METAP1: variants seen among roughly 807,000 people sequenced by gnomAD.
METAP1 encodes methionine aminopeptidase 1.
METAP1 carries 28 observed loss-of-function variants against 53.8 expected under a neutral mutation model. The observed-to-expected ratio is 0.52, with a 90% CI of 0.39 to 0.71. The LOEUF (loss-of-function observed/expected upper bound fraction) is 0.71, where lower values mean the gene tolerates loss of function less well. METAP1 is among the 30% of genes least tolerant of loss of function. The pLI, the probability that METAP1 is intolerant of heterozygous loss-of-function variation, is 0.00. For synonymous variants in METAP1, 181 were observed against 165.7 expected (o/e 1.09, Z -0.71); for missense variants, 389 against 479.8 (o/e 0.81, Z 1.77).
chr4:99,001,687 C>T (rs1268041325), intron 1 of METAP1, among the ~76,000 whole-genome samples: 1 of 151,940 alleles, frequency 6.6e-6, no homozygotes, highest in Admixed American at 6.6e-5. Context: ...AATTTTTTAC[C>T]TTCTGTTTAC....
chr4:99,040,999 GT>G, intron 5 of METAP1, 43 bp from the exon 6 acceptor site: 1 of 1,406,668 alleles, frequency 7.1e-7, no homozygotes. Flanking sequence ...ATAGATTTCT[GT>G]TTCTGTGTCT....
rs1441668684 is a variant in METAP1 at position 99,062,014 on chromosome 4, A to C, written c.*697A>C. On this transcript the variant is annotated 3_prime_UTR_variant, in exon 11 of 11. Transcript: ENST00000296411. ...ACTTTGGAAGGTTATCAGGCTTTTAAAAATCTAGTTTATGGCAAAAATAGC... is the reference window on the plus strand; with the variant it reads ...ACTTTGGAAGGTTATCAGGCTTTTACAAATCTAGTTTATGGCAAAAATAGC... 3 of 152,232 alleles carry C rather than the reference A, an allele frequency of 2.0e-5. No homozygotes were observed. The highest frequency in any genetic ancestry group is 7.2e-5 in the African/African-American group (3 of 41,460). 9.4% of individuals were successfully genotyped at this position (152,232 alleles called of 1,614,324 possible). A position where few individuals can be genotyped will look rare whatever the true frequency, so the allele number is the denominator to read the frequency against.
intron 1 of METAP1, among the ~76,000 whole-genome samples, chr4:99,025,015 C>T (rs185877108): frequency 1.3e-5 from 2 of 152,278 alleles, no homozygotes; most frequent in Admixed American, 6.5e-5. Flanking sequence ...AGAGTTTGTG[C>T]GCTCCTATGA....
chr4:99,039,717 C>T (rs572238904), intron 5 of METAP1, among the ~76,000 whole-genome samples: 7 of 152,226 alleles, frequency 4.6e-5, no homozygotes, highest in African/African-American at 1.4e-4. Flanking sequence ...CCTCAGCCTC[C>T]TGAGTAGCTG....
chr4:99,026,608 A>G, intron 1 of METAP1: 1 of 985,400 alleles, frequency 1.0e-6, no homozygotes, highest in Non-Finnish European at 1.2e-6. Flanking sequence ...ATGAGGAGGG[A>G]AAGATTGCCC....
At chr4:99,014,790 T>C (rs753319976) in intron 1 of METAP1, among the ~76,000 whole-genome samples, 1 of 152,214 alleles carries the variant, frequency 6.6e-6, no homozygotes, top group Non-Finnish European at 1.5e-5. Flanking sequence ...TACCACCATA[T>C]GTCCCACTCA....
At chr4:99,022,541 C>T (rs1006997312) in intron 1 of METAP1, 2 of 636,558 alleles carry the variant, frequency 3.1e-6, no homozygotes, top group Non-Finnish European at 5.8e-6. Flanking sequence ...CCATCAACAG[C>T]AAGAAAGCAT....
intron 1 of METAP1, among the ~76,000 whole-genome samples, chr4:99,009,247 G>A (rs1358129333): frequency 6.6e-6 from 1 of 152,164 alleles, no homozygotes; most frequent in Non-Finnish European, 1.5e-5. Flanking sequence ...TGTACCGCAT[G>A]TTGTGTTTAT....
chr4:99,007,984 A>G (rs2110282650), intron 1 of METAP1, among the ~76,000 whole-genome samples: 1 of 152,320 alleles, frequency 6.6e-6, no homozygotes, highest in Non-Finnish European at 1.5e-5. Context: ...TTGCCTTTAG[A>G]AGAAGGGGTA....
At chr4:99,034,382 A>C in intron 3 of METAP1, 40 bp downstream of exon 3, 1 of 1,182,058 alleles carries the variant, frequency 8.5e-7, no homozygotes, top group Non-Finnish European at 1.2e-6. Context: ...TCCAATTTTG[A>C]ATTTTCCAAA....
At chr4:99,023,713 C>T (rs1189271068) in intron 1 of METAP1, 18 of 985,154 alleles carry the variant, frequency 1.8e-5, no homozygotes, top group Non-Finnish European at 1.9e-5. Flanking sequence ...GTTGTGAAGC[C>T]GTTGTAGTTT....
intron 9 of METAP1, among the ~76,000 whole-genome samples, chr4:99,051,049 A>G (rs1245656793): frequency 2.0e-5 from 3 of 152,216 alleles, no homozygotes; most frequent in Non-Finnish European, 1.5e-5. Flanking sequence ...ATACCCTGTA[A>G]TCATCTGAAT....
At chr4:99,005,515 A>G (rs1723133190) in intron 1 of METAP1, among the ~76,000 whole-genome samples, 1 of 152,218 alleles carries the variant, frequency 6.6e-6, no homozygotes, top group Non-Finnish European at 1.5e-5. Context: ...AAAAGGGAAT[A>G]CTTAAACACT....
intron 8 of METAP1, among the ~76,000 whole-genome samples, chr4:99,046,967 A>AAAGAG (rs1560730321): frequency 2.0e-5 from 3 of 151,654 alleles, no homozygotes; most frequent in Non-Finnish European, 2.9e-5. Flanking sequence ...AAGAAAAAGA[A>AAAGAG]AAAACCAGAT....
chr4:99,040,496 G>A (rs1018903508), intron 5 of METAP1, among the ~76,000 whole-genome samples: 5 of 150,636 alleles, frequency 3.3e-5, no homozygotes, highest in African/African-American at 9.8e-5. Context: ...TTGAGACAGG[G>A]TCTTGCTATC....
chr4:99,004,446 TACAC>T lies in METAP1; in HGVS notation c.114+8613_114+8616del, dbSNP rs1189663861. ...TATTAGCCAAGGAACTGTGGACAGATACACACACACACACACACACACACACACA... is the reference window on the plus strand; with the variant it reads ...TATTAGCCAAGGAACTGTGGACAGATACACACACACACACACACACACACA... On this transcript the variant is annotated intron_variant, in intron 1 of 10. Coordinates refer to ENST00000296411, the MANE Select transcript of METAP1 (RefSeq NM_015143.3). Among the ~76,000 whole-genome samples, 678 of 80,080 alleles carry T rather than the reference TACAC, an allele frequency of 8.5e-3. 4 individuals are homozygous for T. Among genetic ancestry groups the T allele is most frequent in the South Asian group, 0.022 (40 of 1,780 alleles). The allele number at this position is 80,080 out of a possible 152,430, so 52.5% of individuals were successfully genotyped here. A position where few individuals can be genotyped will look rare whatever the true frequency, so the allele number is the denominator to read the frequency against.
intron 1 of METAP1, among the ~76,000 whole-genome samples, chr4:99,006,369 A>G (rs1723179011): frequency 6.6e-6 from 1 of 152,326 alleles, no homozygotes; most frequent in South Asian, 2.1e-4. Context: ...AACAAATAGA[A>G]AAGTTTAAAG....
chr4:99,060,114 A>G (rs1373272361), intron 10 of METAP1, among the ~76,000 whole-genome samples: 3 of 152,184 alleles, frequency 2.0e-5, no homozygotes, highest in African/African-American at 7.2e-5. Flanking sequence ...TTTTAATTGT[A>G]AAATACACAT....
At chr4:99,009,569 G>C (rs1040610249) in intron 1 of METAP1, among the ~76,000 whole-genome samples, 1 of 151,970 alleles carries the variant, frequency 6.6e-6, no homozygotes, top group Non-Finnish European at 1.5e-5. Context: ...CATCCTAATG[G>C]GTATGAGCTG....
Sources: gnomAD v4.1 joint callset for allele counts (sites outside exome capture counted in the v4.1 genomes callset) on GRCh38, gnomAD v4.1.1 for gene constraint, MANE v1.5 for transcripts, NCBI Gene and HGNC (gene_info 2026-07-23, HGNC 2026-07-21) for gene names.